The following NDUFA3 variants were observed in gnomAD, a reference collection of about 807,000 sequenced individuals.
NDUFA3 encodes NADH dehydrogenase [ubiquinone] 1 alpha subcomplex subunit 3.
A neutral mutation model predicts 11.4 loss-of-function variants in NDUFA3; 10 were observed. That is an observed-to-expected ratio of 0.87 (90% CI 0.54 to 1.48). The LOEUF is 1.48. Among genes scored for constraint, NDUFA3 ranks in the 40% most tolerant of loss-of-function variants. NDUFA3 has a pLI of 0.00. For missense variants in NDUFA3, 115 were observed against 110.5 expected (o/e 1.04, Z -0.18); for synonymous variants, 39 against 46.9 (o/e 0.83, Z 0.68).
Position 54,107,198 on chromosome 19 carries a change from C to T in NDUFA3, c.*296C>T. On this transcript the variant is annotated 3_prime_UTR_variant, in exon 4 of 4. Transcript: ENST00000485876. The stretch of plus-strand genomic sequence containing the variant: ...CAGGAGATAAGGAACAAGGTGTTAA[C>T]AGGCCTGGGAATCTAGAAAATCCCA... 1.3e-6 allele frequency: 2 copies of T among 1,595,906 alleles called. No homozygotes were observed. The highest frequency in any genetic ancestry group is 2.2e-5 in the South Asian group (2 of 89,582).
In NDUFA3 at chr19:54,103,201, T is replaced by A; in HGVS notation, c.85+13T>A. 6.3e-7 allele frequency: 1 copy of A among 1,583,362 alleles called. No individual in the cohort carries two copies. Among genetic ancestry groups the A allele is most frequent in the South Asian group, 1.1e-5 (1 of 87,786 alleles). On this transcript the variant is annotated intron_variant, in intron 2 of 3. Transcript: ENST00000485876. Reference sequence around the variant, plus strand: ...GTCGGGGGCCTCGGTGCGTGAGTGCTCCAGGCGCAAACTTGCATCGTCCAC... The same window carrying A: ...GTCGGGGGCCTCGGTGCGTGAGTGCACCAGGCGCAAACTTGCATCGTCCAC...
rs762283122 is a variant in NDUFA3 at position 54,107,000 on chromosome 19, C to T, written c.*98C>T. On this transcript the variant is annotated 3_prime_UTR_variant, in exon 4 of 4. Transcript: ENST00000485876. ...GCATGTGTGTGATCAGAGGTGGGAA[C>T]AAGTAGACGGTGGCCGGGGTGAGTG... The T allele has an allele frequency of 8.1e-6, 13 of 1,606,330 alleles. No homozygotes were observed. The highest frequency in any genetic ancestry group is 1.0e-5 in the Non-Finnish European group (12 of 1,175,314).
Position 54,103,178 on chromosome 19 carries a change from C to T in NDUFA3, c.75C>T (p.Val25=), listed in dbSNP as rs780020902. ...CAGTGCTGGTCGTGTCCTTCGTCGT[C>T]GGGGGCCTCGGTGCGTGAGTGCTCC... ...KEPVLVVSFV[V]GGLAVILPPL... Residue 25 remains valine, a synonymous_variant, in exon 2 of 4, where the codon GTC becomes GTT. Coordinates refer to ENST00000485876, the MANE Select transcript of NDUFA3 (RefSeq NM_004542.4). 1.3e-6 allele frequency: 2 copies of T among 1,598,032 alleles called. No individual in the cohort carries two copies. The highest frequency in any genetic ancestry group is 1.7e-6 in the Non-Finnish European group (2 of 1,169,526).
intron 1 of NDUFA3, 21 bp downstream of exon 1, chr19:54,102,909 C>T (rs745734114): frequency 1.2e-6 from 2 of 1,609,008 alleles, no homozygotes; most frequent in African/African-American, 1.3e-5. Flanking sequence ...GTGCCGGTGG[C>T]GCACGGGGCT....
chr19:54,105,650 C>T (rs1034663330), intron 2 of NDUFA3: 2 of 658,146 alleles, frequency 3.0e-6, no homozygotes, highest in Non-Finnish European at 5.8e-6. Flanking sequence ...TACACTCAAA[C>T]GTGCTCATTC....
At chr19:54,105,577 AAC>A (rs1349914953) in intron 2 of NDUFA3, 1 of 472,418 alleles carries the variant, frequency 2.1e-6, no homozygotes, top group Admixed American at 2.8e-5. Context: ...CCAAATTTGT[AAC>A]AGTCTTGATT....
intron 2 of NDUFA3, among the ~76,000 whole-genome samples, chr19:54,103,518 T>A (rs1190819124): frequency 6.6e-6 from 1 of 152,104 alleles, no homozygotes; most frequent in Non-Finnish European, 1.5e-5. Context: ...TTGAGTTGGC[T>A]TGGGTGGAGG....
intron 3 of NDUFA3, chr19:54,106,543 T>G (rs1240596442): frequency 8.9e-6 from 4 of 450,708 alleles, no homozygotes; most frequent in Middle Eastern, 3.2e-4. Flanking sequence ...TTTCTTGGTC[T>G]CCATCTTCTC....
chr19:54,106,081 G>A (rs1228747973), intron 3 of NDUFA3, 70 bp downstream of exon 3: 5 of 1,450,954 alleles, frequency 3.4e-6, no homozygotes, highest in African/African-American at 2.8e-5. Context: ...GGGCAGTTAT[G>A]GGCAGGTCTT....
chr19:54,104,068 C>T (rs1366873089), intron 2 of NDUFA3, among the ~76,000 whole-genome samples: 1 of 151,058 alleles, frequency 6.6e-6, no homozygotes, highest in Non-Finnish European at 1.5e-5. Context: ...CTCCTAACCT[C>T]GTGATCCTCC....
Position 54,103,239 on chromosome 19 carries a change from A to G in NDUFA3, c.85+51A>G, listed in dbSNP as rs772953951. ...TTGCATCGTCCACCCCCGTCCCCCT[A>G]CATCCCTCCATCTTGTACCCCTAAA... On this transcript the variant is annotated intron_variant, in intron 2 of 3. Coordinates refer to ENST00000485876, the MANE Select transcript of NDUFA3 (RefSeq NM_004542.4). The G allele has an allele frequency of 8.5e-6, 13 of 1,526,948 alleles. No homozygotes were observed. In the South Asian group the frequency reaches 1.3e-4, roughly 15 times the overall value. The allele number at this position is 1,526,948 out of a possible 1,614,324, so 94.6% of individuals were successfully genotyped here. A position where few individuals can be genotyped will look rare whatever the true frequency, so the allele number is the denominator to read the frequency against.
At chr19:54,106,226 TCTCG>T in intron 3 of NDUFA3, 1 of 565,186 alleles carries the variant, frequency 1.8e-6, no homozygotes, top group Non-Finnish European at 3.1e-6. Context: ...TGAGACAGAG[TCTCG>T]CTCTGTCGCC....
In NDUFA3 at chr19:54,106,701, C is replaced by G. The variant is rs1260439723; in HGVS notation, c.164-110C>G. 3.5e-6 allele frequency: 3 copies of G among 859,010 alleles called. No individual in the cohort carries two copies. In the African/African-American group the frequency reaches 5.2e-5, roughly 15 times the overall value. The allele number at this position is 859,010 out of a possible 1,614,324, so 53.2% of individuals were successfully genotyped here. On this transcript the variant is annotated intron_variant, in intron 3 of 3. Transcript: ENST00000485876. ...TCACTGATTCTCTGACCCTTCCCCT[C>G]TCACCCCTGGGGTCCCCCTTCCCTC... is the stretch of plus-strand genomic sequence containing the variant.
chr19:54,104,808 G>A (rs978334044), intron 2 of NDUFA3, among the ~76,000 whole-genome samples: 3 of 151,504 alleles, frequency 2.0e-5, no homozygotes, highest in South Asian at 2.1e-4. Flanking sequence ...GCCTGATCTC[G>A]GCTCACTGCA....
At position 54,105,949 on chromosome 19, in the gene NDUFA3, C is replaced by T. The variant is rs2073246651; in HGVS notation, c.101C>T (p.Pro34Leu). Reference sequence around the variant, plus strand: ...CTCTCCACAGCTGTAATTCTGCCCCCATTGAGCCCCTACTTCAAGTACTCC... The same window carrying T: ...CTCTCCACAGCTGTAATTCTGCCCCTATTGAGCCCCTACTTCAAGTACTCC... ...VVGGLAVILP[P>L]LSPYFKYSVM... The change falls in exon 3 of 4, where the codon CCA becomes CTA. Residue 34 changes from proline to leucine, a missense_variant. Coordinates refer to ENST00000485876, the MANE Select transcript of NDUFA3 (RefSeq NM_004542.4). 1 of 1,613,490 alleles carries T rather than the reference C, an allele frequency of 6.2e-7. No individual in the cohort carries two copies. Among genetic ancestry groups the T allele is most frequent in the Non-Finnish European group, 8.5e-7 (1 of 1,179,474 alleles).
rs780212681 is a variant in NDUFA3 at position 54,107,054 on chromosome 19, T to G, written c.*152T>G. ...GGTCAGTTTATTGGGCATGCGTCAGTCAGAGGCTGGGCTGGCCAGGGTCGG... is the reference window on the plus strand; with the variant it reads ...GGTCAGTTTATTGGGCATGCGTCAGGCAGAGGCTGGGCTGGCCAGGGTCGG... On this transcript the variant is annotated 3_prime_UTR_variant, in exon 4 of 4. Transcript: ENST00000485876. 6.2e-7 allele frequency: 1 copy of G among 1,613,422 alleles called. No homozygotes were observed. Among genetic ancestry groups the G allele is most frequent in the Non-Finnish European group, 8.5e-7 (1 of 1,179,828 alleles).
chr19:54,103,067 C>A (rs761152653), intron 1 of NDUFA3, 47 bp from the exon 2 acceptor site: 1 of 1,596,380 alleles, frequency 6.3e-7, no homozygotes, highest in Admixed American at 1.7e-5. Flanking sequence ...TTAGAGGTCA[C>A]CGGGGGCAGC....
In NDUFA3 at chr19:54,107,280, A is replaced by G. The variant is rs1242960381; in HGVS notation, c.*378A>G. On this transcript the variant is annotated 3_prime_UTR_variant, in exon 4 of 4. Transcript: ENST00000485876. ...TTGCTTTTTAAAGAGACAGGGTCTC[A>G]CTCTGTTGCCCAGGCTGGAGTGCAG... The G allele has an allele frequency of 8.3e-6, 12 of 1,453,686 alleles. No homozygotes were observed. The East Asian group carries it at 2.5e-4, about 30-fold the overall frequency. 90.0% of individuals were successfully genotyped at this position (1,453,686 alleles called of 1,614,324 possible).
intron 3 of NDUFA3, 181 bp downstream of exon 3, chr19:54,106,192 C>A: frequency 1.6e-6 from 1 of 637,990 alleles, no homozygotes; most frequent in Non-Finnish European, 2.7e-6. Context: ...GTTTGTGCTT[C>A]GTTTTTGTTT....
Sources: gnomAD v4.1 joint callset for allele counts (sites outside exome capture counted in the v4.1 genomes callset) on GRCh38, gnomAD v4.1.1 for gene constraint, MANE v1.5 for transcripts, NCBI Gene and HGNC (gene_info 2026-07-23, HGNC 2026-07-21) for gene names.